Variants in CAMK1D observed in about 807,000 individuals in gnomAD.
The protein encoded by CAMK1D is calcium/calmodulin dependent protein kinase ID.
In CAMK1D, 9 loss-of-function variants were observed where a neutral mutation model predicts 47.7. The ratio of observed to expected loss-of-function variants is 0.19; its 90% CI spans 0.11 to 0.33. The LOEUF is 0.33. CAMK1D is among the 10% of genes least tolerant of loss of function. The probability of loss-of-function intolerance (pLI) is 1.00; values close to 1 mark genes in which losing one functional copy is unlikely to be tolerated. For synonymous variants in CAMK1D, 184 were observed against 184.9 expected (o/e 0.99, Z 0.04); for missense variants, 291 against 488.7 (o/e 0.60, Z 3.81).
At chr10:12,802,954 A>G (rs1025775121) in intron 6 of CAMK1D, among the ~76,000 whole-genome samples, 1 of 152,198 alleles carries the variant, frequency 6.6e-6, no homozygotes, top group African/African-American at 2.4e-5. Context: ...GTGTTTCCCC[A>G]TCTTTGCAGT....
chr10:12,753,341 C>T (rs1351498162), intron 3 of CAMK1D, among the ~76,000 whole-genome samples: 1 of 152,198 alleles, frequency 6.6e-6, no homozygotes, highest in African/African-American at 2.4e-5. Flanking sequence ...GTGCAAAGCT[C>T]GTGCTGGCTG....
At chr10:12,757,455 C>G (rs1018557437) in intron 3 of CAMK1D, among the ~76,000 whole-genome samples, 3 of 151,698 alleles carry the variant, frequency 2.0e-5, no homozygotes, top group Admixed American at 6.6e-5. Context: ...CTGTCTGACT[C>G]AAAAAAAACC....
intron 3 of CAMK1D, among the ~76,000 whole-genome samples, chr10:12,695,685 A>G (rs10752273): frequency 0.87 from 133,080 of 152,136 alleles, 58,516 homozygotes; most frequent in Middle Eastern, 0.93. Context: ...ACTAATGACC[A>G]TGTTTTGGTT....
chr10:12,693,213 A>G (rs1833001702), intron 3 of CAMK1D, among the ~76,000 whole-genome samples: 1 of 152,068 alleles, frequency 6.6e-6, no homozygotes, highest in Admixed American at 6.6e-5. Flanking sequence ...AAAATACAAA[A>G]GATTAGCCGG....
intron 2 of CAMK1D, among the ~76,000 whole-genome samples, chr10:12,654,579 T>C (rs1019053722): frequency 6.6e-6 from 1 of 152,244 alleles, no homozygotes; most frequent in Non-Finnish European, 1.5e-5. Flanking sequence ...CTAATACTAC[T>C]TGCTAAGAAA....
At chr10:12,426,351 A>G (rs1449099607) in intron 1 of CAMK1D, among the ~76,000 whole-genome samples, 1 of 151,742 alleles carries the variant, frequency 6.6e-6, no homozygotes, top group East Asian at 1.9e-4. Context: ...GGTTCAAGTG[A>G]TTCTCCTGCC....
chr10:12,561,516 G>A (rs1180301962), intron 2 of CAMK1D, among the ~76,000 whole-genome samples: 1 of 151,806 alleles, frequency 6.6e-6, no homozygotes, highest in South Asian at 2.1e-4. Context: ...CCTCCTTTTT[G>A]CTGCATACCT....
At chr10:12,382,897 A>T (rs1838384001) in intron 1 of CAMK1D, among the ~76,000 whole-genome samples, 1 of 152,178 alleles carries the variant, frequency 6.6e-6, no homozygotes, top group Non-Finnish European at 1.5e-5. Context: ...CACTTTGATT[A>T]AATGTGTCGT....
At chr10:12,427,054 T>A (rs1286896054) in intron 1 of CAMK1D, among the ~76,000 whole-genome samples, 1 of 151,934 alleles carries the variant, frequency 6.6e-6, no homozygotes, top group Non-Finnish European at 1.5e-5. Context: ...CTCCCTATAT[T>A]GCCCAGACTG....
At chr10:12,741,171 G>A (rs192833041) in intron 3 of CAMK1D, among the ~76,000 whole-genome samples, 35 of 152,328 alleles carry the variant, frequency 2.3e-4, no homozygotes, top group Admixed American at 2.2e-3. Flanking sequence ...TGAAGGAAAC[G>A]CATGGATTCT....
intron 1 of CAMK1D, among the ~76,000 whole-genome samples, chr10:12,502,331 G>A (rs1312603602): frequency 6.6e-6 from 1 of 152,332 alleles, no homozygotes; most frequent in Admixed American, 6.5e-5. Flanking sequence ...AGGCGGTGAT[G>A]TACCGTGCAA....
intron 1 of CAMK1D, among the ~76,000 whole-genome samples, chr10:12,387,795 G>A (rs1014668421): frequency 3.9e-5 from 6 of 151,970 alleles, no homozygotes; most frequent in African/African-American, 1.2e-4. Flanking sequence ...TGGCCTGTGT[G>A]TGTATCTTTA....
At chr10:12,375,717 G>A (rs1399210175) in intron 1 of CAMK1D, among the ~76,000 whole-genome samples, 7 of 152,124 alleles carry the variant, frequency 4.6e-5, no homozygotes, top group South Asian at 4.1e-4. Context: ...TTATTTCCTC[G>A]TTGGGGTTTC....
At chr10:12,593,261 A>T (rs1838048966) in intron 2 of CAMK1D, among the ~76,000 whole-genome samples, 1 of 152,192 alleles carries the variant, frequency 6.6e-6, no homozygotes, top group South Asian at 2.1e-4. Flanking sequence ...TGATTACATG[A>T]TGATCAATCT....
At chr10:12,375,393 C>T (rs572627115) in intron 1 of CAMK1D, among the ~76,000 whole-genome samples, 4 of 152,310 alleles carry the variant, frequency 2.6e-5, no homozygotes, top group African/African-American at 7.2e-5. Flanking sequence ...CCCCGCCTTC[C>T]GTGTGAGGAT....
chr10:12,730,639 C>G (rs1037121258), intron 3 of CAMK1D, among the ~76,000 whole-genome samples: 3 of 152,124 alleles, frequency 2.0e-5, no homozygotes, highest in African/African-American at 7.2e-5. Context: ...ACATTAAGAG[C>G]TGGGGAGAAG....
intron 3 of CAMK1D, among the ~76,000 whole-genome samples, chr10:12,680,292 T>C (rs1454801688): frequency 1.3e-5 from 2 of 152,142 alleles, no homozygotes; most frequent in African/African-American, 4.8e-5. Context: ...AGCCACAGAG[T>C]CTAGGCTTCC....
At chr10:12,647,050 C>G (rs765696355) in intron 2 of CAMK1D, among the ~76,000 whole-genome samples, 9 of 151,604 alleles carry the variant, frequency 5.9e-5, no homozygotes, top group Admixed American at 1.3e-4. Flanking sequence ...ACCGTGTTGG[C>G]CAGGCTGGTC....
At chr10:12,449,137 A>G (rs1031947036) in intron 1 of CAMK1D, among the ~76,000 whole-genome samples, 2 of 152,188 alleles carry the variant, frequency 1.3e-5, no homozygotes, top group African/African-American at 4.8e-5. Context: ...ACTCAGAACA[A>G]ATGTTACCTG....
Sources: allele counts gnomAD v4.1 joint callset (sites outside exome capture counted in the v4.1 genomes callset), GRCh38; gene constraint gnomAD v4.1.1; transcripts MANE v1.5; gene names NCBI Gene and HGNC (gene_info 2026-07-23, HGNC 2026-07-21).